Variants in PTPN12 observed in about 807,000 individuals in gnomAD.
PTPN12 encodes protein tyrosine phosphatase non-receptor type 12.
A neutral mutation model predicts 97.6 loss-of-function variants in PTPN12; 29 were observed. That is an observed-to-expected ratio of 0.30 (90% CI 0.22 to 0.41). The LOEUF is 0.41. Ranked by LOEUF, PTPN12 falls within the 10% of genes least tolerant of loss-of-function variation. The pLI, the probability that PTPN12 is intolerant of heterozygous loss-of-function variation, is 1.00. For synonymous variants in PTPN12, 327 were observed against 300.4 expected, an observed-to-expected ratio of 1.09 and a Z score of -0.91; for missense variants, 819 against 926.0, an observed-to-expected ratio of 0.88 and a Z score of 1.50.
At chr7:77,625,468 GCTCGCTCTCT>G (rs770548454) in intron 12 of PTPN12, among the ~76,000 whole-genome samples, 10 of 24,750 alleles carry the variant, frequency 4.0e-4, no homozygotes, top group African/African-American at 1.7e-3. Context: ...TGCCCAGGCT[GCTCGCTCTCT>G]CTCTCTCTCT....
At position 77,550,866 on chromosome 7, in the gene PTPN12, C is replaced by T. The variant is rs372906974; in HGVS notation, c.99+13221C>T. ...ATAATGCCTTGAGCATCCCCAGAAA[C>T]TGTTGCCATGAGCTTTGCTCTTGAC... On this transcript the variant is annotated intron_variant, in intron 1 of 17. Transcript: ENST00000248594. Among the ~76,000 whole-genome samples the T allele has an allele frequency of 7.9e-5, 12 of 152,304 alleles. No individual in the cohort carries two copies. In the East Asian group the frequency reaches 1.9e-3, roughly 24 times the overall value.
intron 1 of PTPN12, among the ~76,000 whole-genome samples, chr7:77,550,416 G>C (rs1410983892): frequency 7.9e-5 from 12 of 151,968 alleles, no homozygotes; most frequent in Admixed American, 2.6e-4. Flanking sequence ...AAAATATAAA[G>C]TTAATTTCTG....
intron 17 of PTPN12, chr7:77,638,964 A>G (rs1241130902): frequency 2.6e-6 from 2 of 779,402 alleles, no homozygotes; most frequent in Non-Finnish European, 3.7e-6. Context: ...CTAAATTATC[A>G]TGGATATTTT....
At position 77,600,744 on chromosome 7, in the gene PTPN12, C is replaced by T; in HGVS notation, c.633C>T (p.Asp211=). The T allele has an allele frequency of 6.2e-7, 1 of 1,610,602 alleles. No individual in the cohort carries two copies. Among genetic ancestry groups the T allele is most frequent in the Non-Finnish European group, 8.5e-7 (1 of 1,177,668 alleles). ...DVPSSFDSIL[D]MISLMRKYQE... ...CTTCATCATTTGATTCTATTCTGGA[C>T]ATGATAAGCTTAATGAGGAAATATC... is the stretch of plus-strand genomic sequence containing the variant. The change falls in exon 8 of 18, where the codon GAC becomes GAT. Residue 211 remains aspartate (D), a synonymous_variant. Coordinates refer to ENST00000248594, the MANE Select transcript of PTPN12 (RefSeq NM_002835.4).
chr7:77,634,922 C>G (rs1050817841), intron 14 of PTPN12, among the ~76,000 whole-genome samples: 2 of 152,068 alleles, frequency 1.3e-5, no homozygotes, highest in African/African-American at 4.8e-5. Context: ...GTCACTCAGG[C>G]TGGAGTGCAG....
chr7:77,557,858 C>G (rs1473526075), intron 1 of PTPN12, among the ~76,000 whole-genome samples: 1 of 152,078 alleles, frequency 6.6e-6, no homozygotes, highest in African/African-American at 2.4e-5. Context: ...TCATCATTAA[C>G]TGTTGGGGGA....
chr7:77,589,441 A>G (rs912538677), intron 5 of PTPN12, among the ~76,000 whole-genome samples: 4 of 152,214 alleles, frequency 2.6e-5, no homozygotes, highest in African/African-American at 9.6e-5. Flanking sequence ...TTCTATAAAT[A>G]TGGCATACAA....
At position 77,559,465 on chromosome 7, in the gene PTPN12, T is replaced by G. The variant is rs1402403717; in HGVS notation, c.100-11613T>G. On this transcript the variant is annotated intron_variant, in intron 1 of 17. Coordinates refer to ENST00000248594, the MANE Select transcript of PTPN12 (RefSeq NM_002835.4). The stretch of plus-strand genomic sequence containing the variant: ...CCCTTGATGGTAAAACAGTGAAAGC[T>G]TTCCTTGGTAACATTGTAGGTGATA... 2.0e-5 allele frequency among the ~76,000 whole-genome samples: 3 copies of G among 152,336 alleles called. 1 individual carries two copies. The highest frequency in any genetic ancestry group is 6.8e-3 in the Middle Eastern group (2 of 294).
At chr7:77,547,128 T>TGTCTCTGTCATCCATCCATG (rs540534237) in intron 1 of PTPN12, among the ~76,000 whole-genome samples, 6 of 152,212 alleles carry the variant, frequency 3.9e-5, no homozygotes, top group Admixed American at 6.5e-5. Flanking sequence ...TGCAAAGATT[T>TGTCTCTGTCATCCATCCATG]GTCTCTGTCA....
intron 16 of PTPN12, 113 bp downstream of exon 16, chr7:77,637,161 T>TCC: frequency 2.4e-6 from 2 of 840,860 alleles, no homozygotes; most frequent in Non-Finnish European, 3.7e-6. Context: ...TGTGAAAATG[T>TCC]CTAGGACAAC....
rs113904978 is a variant in PTPN12, at chr7:77,592,914, A to T, written c.492+658A>T. Among the ~76,000 whole-genome samples the T allele has an allele frequency of 5.5e-3, 838 of 152,276 alleles. 15 individuals are homozygous for T. The highest frequency in any genetic ancestry group is 0.018 in the African/African-American group (758 of 41,558). On this transcript the variant is annotated intron_variant, in intron 6 of 17. Coordinates refer to ENST00000248594, the MANE Select transcript of PTPN12 (RefSeq NM_002835.4). ...AAGAAGGAAAATATAAGTGAATTTT[A>T]AAATAGAACCAAGTTTTCTTTAGGT... is the stretch of plus-strand genomic sequence containing the variant.
intron 1 of PTPN12, among the ~76,000 whole-genome samples, chr7:77,567,074 A>G: frequency 6.6e-6 from 1 of 152,042 alleles, no homozygotes; most frequent in East Asian, 1.9e-4. Context: ...CAGAGACAAT[A>G]GAATAGTGGT....
At chr7:77,619,653 A>G (rs1342962341) in intron 12 of PTPN12, among the ~76,000 whole-genome samples, 1 of 152,212 alleles carries the variant, frequency 6.6e-6, no homozygotes, top group Admixed American at 6.5e-5. Flanking sequence ...TTGACAAGCC[A>G]CTTCTCTGAA....
At chr7:77,550,203 T>C (rs80319036) in intron 1 of PTPN12, among the ~76,000 whole-genome samples, 2 of 152,128 alleles carry the variant, frequency 1.3e-5, no homozygotes, top group Non-Finnish European at 2.9e-5. Context: ...CCAAGATTTA[T>C]TAATGTGTGT....
At chr7:77,605,070 C>A (rs1788317065) in intron 8 of PTPN12, 1 of 158,272 alleles carries the variant, frequency 6.3e-6, no homozygotes, top group Admixed American at 6.4e-5. Flanking sequence ...AGTAACTCAA[C>A]TAAAATTCTA....
chr7:77,596,888 A>G (rs1788038765), intron 6 of PTPN12, among the ~76,000 whole-genome samples: 1 of 152,170 alleles, frequency 6.6e-6, no homozygotes, highest in Non-Finnish European at 1.5e-5. Context: ...ATTATCACCA[A>G]GAGTTCACAT....
In PTPN12 at chr7:77,635,787, C is replaced by T. The variant is rs1280990573; in HGVS notation, c.2080C>T (p.Pro694Ser). ...SFVLASEHNT[P>S]VRSEWSELQS... ...TAAGATTTCATTTTTCTCAGATACA[C>T]CTGTAAGATCGGAATGGAGTGAACT... Residue 694 changes from proline (P) to serine (S), a missense_variant, in exon 15 of 18, where the codon CCT (proline) becomes TCT (serine). Physicochemically the swap from Pro to Ser is moderately conservative, Grantham distance 74. Around this residue, in one of 5 missense-constraint regions of PTPN12, gnomAD observed 607 missense variants for 577.3 expected, o/e 1.05. Coordinates refer to ENST00000248594, the MANE Select transcript of PTPN12 (RefSeq NM_002835.4). 1 of 1,595,800 alleles carries T rather than the reference C, an allele frequency of 6.3e-7. No homozygotes were observed. Among genetic ancestry groups the T allele is most frequent in the Admixed American group, 1.8e-5 (1 of 56,884 alleles).
chr7:77,570,719 C>A (rs1159409881), intron 1 of PTPN12, among the ~76,000 whole-genome samples: 2 of 152,200 alleles, frequency 1.3e-5, no homozygotes, highest in East Asian at 3.8e-4. Context: ...GAAGAAAATT[C>A]TTTTAGGCAT....
chr7:77,592,287 C>A, intron 6 of PTPN12, 31 bp downstream of exon 6: 1 of 1,547,608 alleles, frequency 6.5e-7, no homozygotes, highest in Admixed American at 1.8e-5. Context: ...ACACTTTTTT[C>A]AGAAAATTGG....
Sources: allele counts gnomAD v4.1 joint callset (sites outside exome capture counted in the v4.1 genomes callset), GRCh38; gene constraint gnomAD v4.1.1; regional missense constraint gnomAD v4.1.1; transcripts MANE v1.5; gene names NCBI Gene and HGNC (gene_info 2026-07-23, HGNC 2026-07-21).